PCDH17: variants seen among roughly 807,000 people sequenced by gnomAD.
The protein encoded by PCDH17 is protocadherin-17.
A neutral mutation model predicts 67.7 loss-of-function variants in PCDH17; 21 were observed. That is an observed-to-expected ratio of 0.31 (90% CI 0.22 to 0.45). The LOEUF (loss-of-function observed/expected upper bound fraction) is 0.45. PCDH17 is among the 20% of genes least tolerant of loss of function. PCDH17 has a pLI of 1.00. For missense variants in PCDH17, 1,471 were observed against 1,564.8 expected (o/e 0.94, Z 1.01); for synonymous variants, 701 against 656.7 (o/e 1.07, Z -1.03).
At chr13:57,709,171 A>C (rs919978662) in intron 3 of PCDH17, among the ~76,000 whole-genome samples, 3 of 151,444 alleles carry the variant, frequency 2.0e-5, no homozygotes, top group Admixed American at 6.6e-5. Flanking sequence ...TGACTGAGTA[A>C]AGGGCTAAAT....
chr13:57,652,284 C>CAA (rs11435613), intron 1 of PCDH17, among the ~76,000 whole-genome samples: 64,768 of 116,780 alleles, frequency 0.55, 19,334 homozygotes, highest in South Asian at 0.73. Flanking sequence ...GACTCCGTCT[C>CAA]AAAAAAAAAA....
At chr13:57,713,553 A>G (rs1955794556) in intron 3 of PCDH17, among the ~76,000 whole-genome samples, 1 of 151,574 alleles carries the variant, frequency 6.6e-6, no homozygotes, top group African/African-American at 2.4e-5. Context: ...TGGTAGGGGT[A>G]TTGTTTGAGT....
Position 57,697,447 on chromosome 13 carries a change from T to C in PCDH17, c.2798-27165T>C, listed in dbSNP as rs186218939. On this transcript the variant is annotated intron_variant, in intron 3 of 3. Coordinates refer to ENST00000377918, the MANE Select transcript of PCDH17 (RefSeq NM_001040429.3). The stretch of plus-strand genomic sequence containing the variant: ...ACAACTCACATAGAAAAAAAATTCA[T>C]TGATCTTGCCAAATAAGCAAAATAG... Among the ~76,000 whole-genome samples the C allele has an allele frequency of 2.6e-4, 40 of 151,748 alleles. No individual in the cohort carries two copies. The East Asian group carries it at 7.5e-3, about 29-fold the overall frequency.
At position 57,631,787 on chromosome 13, in the gene PCDH17, GA is replaced by G. The variant is rs3832888; in HGVS notation, c.-750del. ...TTGGCTGCTCGGAAAGGAGAGAGAG[GA>G]AAAAAAAAATACGCTTGGCTGGTAG... On this transcript the variant is annotated 5_prime_UTR_variant, in exon 1 of 4. Transcript: ENST00000377918. The G allele has an allele frequency of 0.85, 129,253 of 151,340 alleles. 55,389 individuals carry two copies. Among genetic ancestry groups the G allele is most frequent in the African/African-American group, 0.93 (38,302 of 41,180 alleles). 9.4% of individuals were successfully genotyped at this position (151,340 alleles called of 1,614,324 possible).
chr13:57,706,326 A>G (rs1955721168), intron 3 of PCDH17, among the ~76,000 whole-genome samples: 1 of 152,148 alleles, frequency 6.6e-6, no homozygotes, highest in African/African-American at 2.4e-5. Flanking sequence ...ATGGAAGACA[A>G]AAATTTAATT....
rs761307772 is a variant in PCDH17, at chr13:57,632,120, C to T, written c.-427C>T. 4.4e-6 allele frequency: 1 copy of T among 224,806 alleles called. No homozygotes were observed. Among genetic ancestry groups the T allele is most frequent in the Non-Finnish European group, 8.8e-6 (1 of 113,058 alleles). 13.9% of individuals were successfully genotyped at this position (224,806 alleles called of 1,614,324 possible). A position where few individuals can be genotyped will look rare whatever the true frequency, so the allele number is the denominator to read the frequency against. Reference sequence around the variant, plus strand: ...TCTCCGGGCGGGAGTAGATTTGCAGCACCCTAGCGGGAGCGAGGAAAACCT... The same window carrying T: ...TCTCCGGGCGGGAGTAGATTTGCAGTACCCTAGCGGGAGCGAGGAAAACCT... On this transcript the variant is annotated 5_prime_UTR_variant, in exon 1 of 4. Transcript: ENST00000377918.
At chr13:57,649,867 T>C (rs570270834) in intron 1 of PCDH17, among the ~76,000 whole-genome samples, 1 of 152,272 alleles carries the variant, frequency 6.6e-6, no homozygotes, top group African/African-American at 2.4e-5. Context: ...ATATTAAGTA[T>C]ATAGCTTTTA....
At chr13:57,696,708 T>C (rs1362694333) in intron 3 of PCDH17, among the ~76,000 whole-genome samples, 3 of 151,560 alleles carry the variant, frequency 2.0e-5, no homozygotes, top group Non-Finnish European at 4.4e-5. Context: ...GGGTTCTGTT[T>C]TTTAAGCAAA....
chr13:57,697,751 T>C (rs966048931), intron 3 of PCDH17, among the ~76,000 whole-genome samples: 1 of 150,344 alleles, frequency 6.7e-6, no homozygotes, highest in Non-Finnish European at 1.5e-5. Flanking sequence ...AATATATTCA[T>C]CCTAGAGCTC....
At chr13:57,713,342 A>G (rs1955792696) in intron 3 of PCDH17, among the ~76,000 whole-genome samples, 1 of 151,732 alleles carries the variant, frequency 6.6e-6, no homozygotes, top group South Asian at 2.1e-4. Context: ...GGATGAACCA[A>G]TTGTAGAGGA....
Position 57,635,007 on chromosome 13 carries a change from A to G in PCDH17, c.2461A>G (p.Asn821Asp). The G allele has an allele frequency of 1.2e-6, 2 of 1,613,712 alleles. No individual in the cohort carries two copies. The highest frequency in any genetic ancestry group is 1.7e-6 in the Non-Finnish European group (2 of 1,180,016). Residue 821 changes from asparagine (N) to aspartate (D), a missense_variant, in exon 1 of 4, where the codon AAC (asparagine) becomes GAC (aspartate). By Grantham distance (23) the Asn-to-Asp change is conservative (BLOSUM62 1). Around this residue, in one of 3 missense-constraint regions of PCDH17, gnomAD observed 1,163 missense variants for 1,230.0 expected, o/e 0.95. Transcript: ENST00000377918. ...GGTGATGTATCTCAAACCGGCCTCCAACAACCTGACTGTCCCTCAGGGGCA... is the reference window on the plus strand; with the variant it reads ...GGTGATGTATCTCAAACCGGCCTCCGACAACCTGACTGTCCCTCAGGGGCA... ...SEVMYLKPAS[N>D]NLTVPQGHAG...
intron 3 of PCDH17, among the ~76,000 whole-genome samples, chr13:57,689,685 T>C (rs920872022): frequency 6.6e-6 from 1 of 151,942 alleles, no homozygotes; most frequent in African/African-American, 2.4e-5. Flanking sequence ...TTATTCCAAA[T>C]ATATAATTTG....
Position 57,633,651 on chromosome 13 carries a change from A to T in PCDH17, c.1105A>T (p.Thr369Ser). Reference sequence around the variant, plus strand: ...GCTGAGCGAGGCCGCCCCTCCCGGCACCGTCATCGCCCTGGTGCGGGTCAC... The same window carrying T: ...GCTGAGCGAGGCCGCCCCTCCCGGCTCCGTCATCGCCCTGGTGCGGGTCAC... ...GALSEAAPPG[T>S]VIALVRVTDR... is the part of the protein sequence containing the mutation. The change falls in exon 1 of 4, where the codon ACC (threonine) becomes TCC (serine). Residue 369 changes from threonine to serine, a missense_variant. Thr to Ser is a moderately conservative substitution (Grantham distance 58). Around this residue, in one of 3 missense-constraint regions of PCDH17, gnomAD observed 1,163 missense variants for 1,230.0 expected, o/e 0.95. Transcript: ENST00000377918. This position sits in a 1 kb window ranked among gnomAD's most constrained non-coding sequence, Gnocchi z 6.2. The T allele has an allele frequency of 1.2e-6, 2 of 1,607,850 alleles. No individual in the cohort carries two copies. Among genetic ancestry groups the T allele is most frequent in the Non-Finnish European group, 1.7e-6 (2 of 1,179,958 alleles).
chr13:57,694,662 T>C (rs1955589959), intron 3 of PCDH17, among the ~76,000 whole-genome samples: 1 of 151,274 alleles, frequency 6.6e-6, no homozygotes, highest in Admixed American at 6.6e-5. Context: ...TTTTAATACT[T>C]TCCTGAAGTG....
chr13:57,693,315 CATATATATATAT>C (rs59643529), intron 3 of PCDH17, among the ~76,000 whole-genome samples: 11 of 89,360 alleles, frequency 1.2e-4, no homozygotes, highest in South Asian at 3.4e-4. Context: ...CACTTACATT[CATATATATATAT>C]ATATATATAT....
At chr13:57,670,424 C>T (rs539195305) in intron 3 of PCDH17, among the ~76,000 whole-genome samples, 2 of 151,502 alleles carry the variant, frequency 1.3e-5, no homozygotes, top group South Asian at 2.1e-4. Context: ...TTTTCTCTTA[C>T]GAGAAAAAAC....
chr13:57,656,655 C>T (rs1593905664), intron 1 of PCDH17, among the ~76,000 whole-genome samples: 1 of 151,882 alleles, frequency 6.6e-6, no homozygotes, highest in Non-Finnish European at 1.5e-5. Context: ...AAAAAGAGCA[C>T]GGGAGGAAGA....
intron 3 of PCDH17, among the ~76,000 whole-genome samples, chr13:57,718,735 G>A (rs1012084566): frequency 6.6e-6 from 1 of 151,922 alleles, no homozygotes; most frequent in Non-Finnish European, 1.5e-5. Context: ...ATTTTCTGAT[G>A]AGATTTCTGT....
At chr13:57,712,518 T>C (rs1414010599) in intron 3 of PCDH17, among the ~76,000 whole-genome samples, 1 of 151,652 alleles carries the variant, frequency 6.6e-6, no homozygotes, top group Non-Finnish European at 1.5e-5. Context: ...AATAATAGAG[T>C]TGCCTAAAAA....
Sources: gnomAD v4.1 joint callset for allele counts (sites outside exome capture counted in the v4.1 genomes callset) on GRCh38, gnomAD v4.1.1 for gene constraint, gnomAD v4.1.1 regional missense constraint, Gnocchi (gnomAD v3.1) non-coding constraint, MANE v1.5 for transcripts, NCBI Gene and HGNC (gene_info 2026-07-23, HGNC 2026-07-21) for gene names.